B4GALNT3: variants seen among roughly 807,000 people sequenced by gnomAD.
The protein encoded by B4GALNT3 is beta-1,4-N-acetyl-galactosaminyltransferase 3.
Under a neutral mutation model 120.2 loss-of-function variants are expected in B4GALNT3, and 86 were observed. The ratio of observed to expected loss-of-function variants is 0.72; its 90% CI spans 0.60 to 0.86. The LOEUF is 0.86. Among genes scored for constraint, B4GALNT3 ranks in the 40% least tolerant of loss-of-function variants. The pLI is 0.00. For synonymous variants in B4GALNT3, 518 were observed against 510.4 expected, an observed-to-expected ratio of 1.01 and a Z score of -0.20; for missense variants, 1,167 against 1,298.9, an observed-to-expected ratio of 0.90 and a Z score of 1.56.
chr12:489,206 A>T (rs897341946), intron 1 of B4GALNT3, among the ~76,000 whole-genome samples: 2 of 151,910 alleles, frequency 1.3e-5, no homozygotes, highest in African/African-American at 4.8e-5. Flanking sequence ...CATTAGGACA[A>T]ATACCTAATG....
At chr12:480,293 G>A (rs901797935) in intron 1 of B4GALNT3, among the ~76,000 whole-genome samples, 5 of 152,200 alleles carry the variant, frequency 3.3e-5, no homozygotes. Flanking sequence ...CATATGGTTA[G>A]GGTAAGAATA....
intron 1 of B4GALNT3, among the ~76,000 whole-genome samples, chr12:504,545 C>T (rs1362158456): frequency 6.6e-6 from 1 of 151,576 alleles, no homozygotes; most frequent in African/African-American, 2.4e-5. Flanking sequence ...CTGCAACCTC[C>T]GCCTCCCGGG....
intron 1 of B4GALNT3, among the ~76,000 whole-genome samples, chr12:512,183 TCCAC>T (rs1175750658): frequency 1.2e-5 from 1 of 85,816 alleles, no homozygotes; most frequent in African/African-American, 6.1e-5. Context: ...CCTTCCGCCT[TCCAC>T]CTTCCGCCTT....
intron 1 of B4GALNT3, among the ~76,000 whole-genome samples, chr12:496,823 A>G (rs1012338348): frequency 1.3e-5 from 2 of 152,084 alleles, no homozygotes; most frequent in Non-Finnish European, 2.9e-5. Context: ...GGCTTCTTTC[A>G]CTTAGCATGA....
intron 13 of B4GALNT3, 25 bp downstream of exon 13, chr12:552,553 C>T: frequency 6.2e-7 from 1 of 1,610,174 alleles, no homozygotes; most frequent in Non-Finnish European, 8.5e-7. Context: ...CTGAGGCTTC[C>T]AGGTCAGGCT....
intron 1 of B4GALNT3, among the ~76,000 whole-genome samples, chr12:507,569 TTCACCCCACGCCCTCCACCCTACATCCC>T (rs1378101933): frequency 6.6e-6 from 1 of 152,146 alleles, no homozygotes; most frequent in Non-Finnish European, 1.5e-5. Context: ...GTGGCGACCC[TTCACCCCACGCCCTCCACCCTACATCCC>T]TCACCCCACA....
At chr12:556,905 G>T (rs748975824) in intron 15 of B4GALNT3, 39 bp downstream of exon 15, 44 of 1,569,356 alleles carry the variant, frequency 2.8e-5, no homozygotes, top group Non-Finnish European at 3.7e-5. Context: ...TCAGGGGCGG[G>T]GTCCTCACAC....
At position 553,302 on chromosome 12, in the gene B4GALNT3, C is replaced by T; in HGVS notation, c.1379C>T (p.Ala460Val). ...ATGCTTGAGGGAAGACAGACACCTG[C>T]CTCCACCCTGGAGCAAGATGCCACT... ...ARMLEGRQTP[A>V]STLEQDATDY... is the part of the protein sequence containing the mutation. Residue 460 changes from alanine (A) to valine (V), a missense_variant, in exon 14 of 20, where the codon GCC becomes GTC. This residue lies in a region of B4GALNT3 where 983 missense variants were observed against 1,102.5 expected (regional missense o/e 0.89). Transcript: ENST00000266383. 1 of 1,613,652 alleles carries T rather than the reference C, an allele frequency of 6.2e-7. No homozygotes were observed.
At chr12:519,722 T>C (rs1946687725) in intron 1 of B4GALNT3, among the ~76,000 whole-genome samples, 1 of 152,116 alleles carries the variant, frequency 6.6e-6, no homozygotes, top group African/African-American at 2.4e-5. Context: ...GTTGATGTGT[T>C]GGTTCACTGA....
chr12:525,086 T>TTTATTTA (rs1946747937), intron 1 of B4GALNT3, among the ~76,000 whole-genome samples: 1 of 130,532 alleles, frequency 7.7e-6, no homozygotes, highest in East Asian at 2.3e-4. Flanking sequence ...AATAACACAA[T>TTTATTTA]TTTATTTATT....
chr12:498,631 C>T (rs1390812552), intron 1 of B4GALNT3, among the ~76,000 whole-genome samples: 5 of 144,692 alleles, frequency 3.5e-5, no homozygotes, highest in Non-Finnish European at 1.5e-5. Context: ...AAGAAAAGTT[C>T]CAGATTGGAA....
At chr12:533,772 G>A (rs1946830847) in intron 1 of B4GALNT3, among the ~76,000 whole-genome samples, 1 of 152,116 alleles carries the variant, frequency 6.6e-6, no homozygotes, top group Non-Finnish European at 1.5e-5. Context: ...AAGCCGAAAG[G>A]GCCCACACAA....
chr12:539,443 T>C (rs1946893195), intron 3 of B4GALNT3, among the ~76,000 whole-genome samples: 1 of 151,660 alleles, frequency 6.6e-6, no homozygotes, highest in African/African-American at 2.4e-5. Flanking sequence ...AGAGTTCTCG[T>C]GGGTTGTTCA....
At chr12:552,034 A>G in intron 11 of B4GALNT3, 29 bp from the exon 12 acceptor site, 1 of 1,494,736 alleles carries the variant, frequency 6.7e-7, no homozygotes, top group East Asian at 2.3e-5. Flanking sequence ...TCACTCTCTT[A>G]CTCCTGCTGC....
Position 490,259 on chromosome 12 carries a change from A to G in B4GALNT3, c.169+29714A>G, listed in dbSNP as rs531139982. On this transcript the variant is annotated intron_variant, in intron 1 of 19. Coordinates refer to ENST00000266383, the MANE Select transcript of B4GALNT3 (RefSeq NM_173593.4). ...ATAATGAAAATTGGAACAGAAATCA[A>G]TGAAATTGAAAATAGGAAATCAGTA... Among the ~76,000 whole-genome samples, 3 of 152,308 alleles carry G rather than the reference A, an allele frequency of 2.0e-5. No homozygotes were observed. The South Asian group carries it at 6.2e-4, about 32-fold the overall frequency.
Position 542,188 on chromosome 12 carries a change from G to A in B4GALNT3, c.352-2151G>A, listed in dbSNP as rs190333134. On this transcript the variant is annotated intron_variant, in intron 3 of 19. Coordinates refer to ENST00000266383, the MANE Select transcript of B4GALNT3 (RefSeq NM_173593.4). ...CACATTCCTGGCATTGACCAGGCCA[G>A]TGTGCCCCATTAGCGCCACACTCTG... Among the ~76,000 whole-genome samples, 485 of 152,292 alleles carry A rather than the reference G, an allele frequency of 3.2e-3. 1 individual carries two copies. Among genetic ancestry groups the A allele is most frequent in the African/African-American group, 0.011 (453 of 41,548 alleles).
chr12:474,540 C>G (rs947681431), intron 1 of B4GALNT3, among the ~76,000 whole-genome samples: 3 of 152,112 alleles, frequency 2.0e-5, no homozygotes, highest in Admixed American at 6.5e-5. Context: ...GATGAAGAGG[C>G]CAGGCACGGT....
intron 1 of B4GALNT3, among the ~76,000 whole-genome samples, chr12:491,151 C>T (rs215236): frequency 6.6e-6 from 1 of 151,950 alleles, no homozygotes; most frequent in African/African-American, 2.4e-5. Flanking sequence ...CAAATTGAAT[C>T]CAACATGTGT....
chr12:510,046 A>G lies in B4GALNT3; in HGVS notation c.170-25120A>G, dbSNP rs560867358. Among the ~76,000 whole-genome samples the G allele has an allele frequency of 2.0e-5, 3 of 152,324 alleles. No homozygotes were observed. In the East Asian group the frequency reaches 5.8e-4, roughly 29 times the overall value. On this transcript the variant is annotated intron_variant, in intron 1 of 19. Coordinates refer to ENST00000266383, the MANE Select transcript of B4GALNT3 (RefSeq NM_173593.4). ...AGTTCAGTCCACATTCATTGAACTG[A>G]AAGCTCACAGGTCTTGGAGCCTGGA...
Sources: gnomAD v4.1 joint callset for allele counts (sites outside exome capture counted in the v4.1 genomes callset) on GRCh38, gnomAD v4.1.1 for gene constraint, gnomAD v4.1.1 regional missense constraint, MANE v1.5 for transcripts, NCBI Gene and HGNC (gene_info 2026-07-23, HGNC 2026-07-21) for gene names.